Variants in PLPPR1 observed in about 807,000 individuals in gnomAD.
PLPPR1 encodes phospholipid phosphatase related 1.
In PLPPR1, 10 loss-of-function variants were observed where a neutral mutation model predicts 33.1. That is an observed-to-expected ratio of 0.30 (90% CI 0.19 to 0.51). The LOEUF is 0.51. Among genes scored for constraint, PLPPR1 ranks in the 20% least tolerant of loss-of-function variants. The pLI is 0.97. For synonymous variants in PLPPR1, 151 were observed against 151.0 expected (o/e 1.00, Z 0.00); for missense variants, 304 against 408.1 (o/e 0.74, Z 2.20).
At chr9:101,083,532 C>T (rs1341377980) in intron 1 of PLPPR1, among the ~76,000 whole-genome samples, 1 of 152,112 alleles carries the variant, frequency 6.6e-6, no homozygotes, top group African/African-American at 2.4e-5. Context: ...ATGAAGCCTC[C>T]CGTAAGCATT....
intron 1 of PLPPR1, among the ~76,000 whole-genome samples, chr9:101,043,454 TATAC>T (rs898135282): frequency 3.3e-5 from 5 of 151,668 alleles, no homozygotes; most frequent in African/African-American, 1.2e-4. Context: ...CATACACATA[TATAC>T]ATATGTATGT....
At chr9:101,055,776 T>A (rs1288378020) in intron 1 of PLPPR1, among the ~76,000 whole-genome samples, 1 of 152,146 alleles carries the variant, frequency 6.6e-6, no homozygotes, top group East Asian at 1.9e-4. Flanking sequence ...GGCCACATGG[T>A]TCCACATCAC....
At chr9:101,061,293 G>T (rs1330814233) in intron 1 of PLPPR1, among the ~76,000 whole-genome samples, 1 of 151,814 alleles carries the variant, frequency 6.6e-6, no homozygotes, top group Non-Finnish European at 1.5e-5. Flanking sequence ...AGTGTGAGGT[G>T]TTCTTCTGAG....
chr9:101,317,443 C>T lies in PLPPR1; in HGVS notation c.892C>T (p.Pro298Ser), dbSNP rs768054227. The T allele has an allele frequency of 1.9e-5, 30 of 1,613,862 alleles. No individual in the cohort carries two copies. Among genetic ancestry groups the T allele is most frequent in the Non-Finnish European group, 2.5e-5 (30 of 1,179,916 alleles). ...CAAGCCTGAGGATCCCCGTGGAGTA[C>T]CCCTAATGGCTTTCCCAAGGATAGA... is the stretch of plus-strand genomic sequence containing the variant. ...KPKPEDPRGV[P>S]LMAFPRIESP... is the part of the protein sequence containing the mutation. The change falls in exon 7 of 8, where the codon CCC becomes TCC. Residue 298 changes from proline to serine, a missense_variant. By Grantham distance (74) the Pro-to-Ser change is moderately conservative. Coordinates refer to ENST00000374874, the MANE Select transcript of PLPPR1 (RefSeq NM_207299.2).
At chr9:101,187,563 A>C (rs1252584923) in intron 2 of PLPPR1, 1 of 152,006 alleles carries the variant, frequency 6.6e-6, no homozygotes, top group African/African-American at 2.4e-5. Context: ...GAAGTAGGAC[A>C]CAGAAGACAT....
chr9:101,241,952 G>C (rs532999819), intron 2 of PLPPR1, among the ~76,000 whole-genome samples: 2 of 152,170 alleles, frequency 1.3e-5, no homozygotes, highest in South Asian at 4.1e-4. Flanking sequence ...ATTTTGCACA[G>C]AAATTTGTGG....
intron 1 of PLPPR1, among the ~76,000 whole-genome samples, chr9:101,155,800 A>C (rs1461943635): frequency 6.6e-6 from 1 of 151,982 alleles, no homozygotes; most frequent in Non-Finnish European, 1.5e-5. Flanking sequence ...GGGTTTCTCC[A>C]TGTTGGTCAG....
intron 1 of PLPPR1, among the ~76,000 whole-genome samples, chr9:101,054,223 C>A (rs1444916303): frequency 1.3e-5 from 2 of 152,006 alleles, no homozygotes; most frequent in East Asian, 1.9e-4. Flanking sequence ...CAAAAAAATC[C>A]TTTTTATCAT....
At chr9:101,270,879 G>A (rs1400052801) in intron 3 of PLPPR1, among the ~76,000 whole-genome samples, 2 of 152,066 alleles carry the variant, frequency 1.3e-5, no homozygotes, top group African/African-American at 4.8e-5. Context: ...TCTTCTAACA[G>A]CTGACTCCCT....
At chr9:101,182,591 T>G (rs968209261) in intron 1 of PLPPR1, among the ~76,000 whole-genome samples, 10 of 151,788 alleles carry the variant, frequency 6.6e-5, no homozygotes, top group African/African-American at 1.7e-4. Context: ...ACTTGGTGGT[T>G]GTTGCATAAT....
At chr9:101,050,125 A>G (rs1488738916) in intron 1 of PLPPR1, among the ~76,000 whole-genome samples, 1 of 114,154 alleles carries the variant, frequency 8.8e-6, no homozygotes, top group Non-Finnish European at 1.7e-5. Flanking sequence ...TCCAACTCAG[A>G]AAAAAAAAAA....
At position 101,113,103 on chromosome 9, in the gene PLPPR1, A is replaced by G. The variant is rs141070895; in HGVS notation, c.-45-72347A>G. Among the ~76,000 whole-genome samples the G allele has an allele frequency of 3.2e-3, 492 of 152,332 alleles. 4 individuals are homozygous for G. The highest frequency in any genetic ancestry group is 0.011 in the African/African-American group (449 of 41,582). ...CCGTGGCTGTGTTATTCTTTTAGAC[A>G]TAGACATTCAAGTTCAGGAGGTCAT... On this transcript the variant is annotated intron_variant, in intron 1 of 7. Transcript: ENST00000374874.
At position 101,309,377 on chromosome 9, in the gene PLPPR1, G is replaced by A. The variant is rs1828915524; in HGVS notation, c.552G>A (p.Gly184=). The part of the protein sequence containing the change: ...QFINNGNICT[G]DLEVIEKARR... ...TAAACAATGGGAACATTTGTACTGG[G>A]GACCTGGAAGTGATAGAAAAGGCTC... Residue 184 remains glycine, a synonymous_variant, in exon 5 of 8, where the codon GGG becomes GGA. Coordinates refer to ENST00000374874, the MANE Select transcript of PLPPR1 (RefSeq NM_207299.2). 6.2e-7 allele frequency: 1 copy of A among 1,614,052 alleles called. No homozygotes were observed.
intron 2 of PLPPR1, among the ~76,000 whole-genome samples, chr9:101,240,037 T>C (rs1228384285): frequency 6.6e-6 from 1 of 152,062 alleles, no homozygotes; most frequent in African/African-American, 2.4e-5. Context: ...AGGTCTTACA[T>C]TTAAGTCTAA....
At chr9:101,231,044 T>G (rs1827173489) in intron 2 of PLPPR1, among the ~76,000 whole-genome samples, 1 of 152,014 alleles carries the variant, frequency 6.6e-6, no homozygotes, top group African/African-American at 2.4e-5. Flanking sequence ...CTCTGTCATA[T>G]TAGGAATTAC....
chr9:101,156,135 T>A (rs1050281191), intron 1 of PLPPR1, among the ~76,000 whole-genome samples: 1 of 152,288 alleles, frequency 6.6e-6, no homozygotes, highest in Admixed American at 6.5e-5. Flanking sequence ...TCAGCATATA[T>A]AATGGTTAAC....
chr9:101,206,350 G>GAAGT (rs1262960731), intron 2 of PLPPR1, among the ~76,000 whole-genome samples: 4 of 152,122 alleles, frequency 2.6e-5, no homozygotes, highest in African/African-American at 4.8e-5. Flanking sequence ...TAACTTTCTG[G>GAAGT]AAGTTCTCCT....
At chr9:101,036,004 C>T (rs541314115) in intron 1 of PLPPR1, among the ~76,000 whole-genome samples, 9 of 152,200 alleles carry the variant, frequency 5.9e-5, no homozygotes, top group Non-Finnish European at 8.8e-5. Flanking sequence ...GAGAAGCAAA[C>T]GCAGGATTGG....
intron 1 of PLPPR1, among the ~76,000 whole-genome samples, chr9:101,159,671 T>C (rs1352782622): frequency 6.6e-6 from 1 of 152,010 alleles, no homozygotes; most frequent in Non-Finnish European, 1.5e-5. Flanking sequence ...TAGAAAGAGG[T>C]GGAGAGTCAG....
Sources: gnomAD v4.1 joint callset for allele counts (sites outside exome capture counted in the v4.1 genomes callset) on GRCh38, gnomAD v4.1.1 for gene constraint, MANE v1.5 for transcripts, NCBI Gene and HGNC (gene_info 2026-07-23, HGNC 2026-07-21) for gene names.